ZC3HAV1: variants seen among roughly 807,000 people sequenced by gnomAD.
The protein encoded by ZC3HAV1 is zinc finger CCCH-type antiviral protein 1.
A neutral mutation model predicts 86.6 loss-of-function variants in ZC3HAV1; 41 were observed. The observed-to-expected ratio is 0.47, with a 90% CI of 0.37 to 0.61. The LOEUF is 0.61. Among genes scored for constraint, ZC3HAV1 ranks in the 20% least tolerant of loss-of-function variants. The pLI is 0.00. For synonymous variants in ZC3HAV1, 421 were observed against 432.1 expected (o/e 0.97, Z 0.32); for missense variants, 964 against 1,141.1 (o/e 0.84, Z 2.24).
Position 139,109,291 on chromosome 7 carries a change from A to G in ZC3HAV1, c.41T>C (p.Leu14Pro). Reference protein sequence around the residue: ...PEVCCFITKILCAHGGRMALD... With the variant: ...PEVCCFITKIPCAHGGRMALD... ...GGCCATGCGGCCCCCGTGGGCGCAC[A>G]GGATTTTGGTGATGAAGCAGCACAC... Residue 14 changes from leucine to proline, a missense_variant, in exon 1 of 13, where the codon CTG (leucine) becomes CCG (proline). By Grantham distance (98) the Leu-to-Pro change is moderately conservative. Coordinates refer to ENST00000242351, the MANE Select transcript of ZC3HAV1 (RefSeq NM_020119.4). The G allele has an allele frequency of 6.2e-7, 1 of 1,610,144 alleles. No homozygotes were observed. The highest frequency in any genetic ancestry group is 8.5e-7 in the Non-Finnish European group (1 of 1,178,842).
At chr7:139,101,766 G>C (rs1042834191) in intron 1 of ZC3HAV1, among the ~76,000 whole-genome samples, 1 of 151,582 alleles carries the variant, frequency 6.6e-6, no homozygotes, top group Admixed American at 6.6e-5. Context: ...AATGGATTAA[G>C]GGCGGTGCAA....
intron 1 of ZC3HAV1, among the ~76,000 whole-genome samples, chr7:139,093,302 T>G (rs1335924217): frequency 6.6e-6 from 1 of 152,134 alleles, no homozygotes; most frequent in African/African-American, 2.4e-5. Flanking sequence ...CCTGAATTAT[T>G]TAAGCCACTG....
rs1816003151 is a variant in ZC3HAV1 at position 139,047,775 on chromosome 7, G to A, written c.2528C>T (p.Ala843Val). 6.2e-7 allele frequency: 1 copy of A among 1,613,998 alleles called. No individual in the cohort carries two copies. Among genetic ancestry groups the A allele is most frequent in the South Asian group, 1.1e-5 (1 of 91,082 alleles). The part of the protein sequence containing the change: ...YDAKNVVMFV[A>V]QVLVGKFTEG... ...AGTAAACTTTCCAACCAGAACTTGG[G>A]CTACAAACATAACGACGTTTTTGGC... is the stretch of plus-strand genomic sequence containing the variant. Residue 843 changes from alanine to valine, a missense_variant, in exon 13 of 13, where the codon GCC (alanine) becomes GTC (valine). Coordinates refer to ENST00000242351, the MANE Select transcript of ZC3HAV1 (RefSeq NM_020119.4).
intron 1 of ZC3HAV1, among the ~76,000 whole-genome samples, chr7:139,099,881 C>G (rs1817699873): frequency 6.6e-6 from 1 of 151,650 alleles, no homozygotes; most frequent in African/African-American, 2.4e-5. Context: ...GAGCTGAGAT[C>G]ACACCACTGC....
intron 10 of ZC3HAV1, 112 bp from the exon 11 acceptor site, chr7:139,054,207 C>T (rs1357477028): frequency 1.3e-5 from 14 of 1,119,348 alleles, no homozygotes; most frequent in Non-Finnish European, 1.7e-5. Context: ...TTCTTTCTAA[C>T]AGCAGATAGG....
chr7:139,063,623 C>G (rs1195857509), intron 8 of ZC3HAV1, among the ~76,000 whole-genome samples: 1 of 148,926 alleles, frequency 6.7e-6, no homozygotes, highest in African/African-American at 2.5e-5. Flanking sequence ...AGTTGGGAGG[C>G]TGAGGTGACA....
intron 5 of ZC3HAV1, 28 bp from the exon 6 acceptor site, chr7:139,076,437 G>A: frequency 1.9e-6 from 3 of 1,612,874 alleles, no homozygotes; most frequent in Non-Finnish European, 2.5e-6. Context: ...GGGTCTGAGG[G>A]ACTGTTGAGC....
Position 139,047,784 on chromosome 7 carries a change from A to G in ZC3HAV1, c.2519T>C (p.Met840Thr), listed in dbSNP as rs1315877504. ...TCCAACCAGAACTTGGGCTACAAACATAACGACGTTTTTGGCATCATACGG... is the reference window on the plus strand; with the variant it reads ...TCCAACCAGAACTTGGGCTACAAACGTAACGACGTTTTTGGCATCATACGG... ...NCPYDAKNVV[M>T]FVAQVLVGKF... The change falls in exon 13 of 13, where the codon ATG becomes ACG. Residue 840 changes from methionine (M) to threonine (T), a missense_variant. Physicochemically the swap from Met to Thr is moderately conservative, Grantham distance 81 (BLOSUM62 -1). Transcript: ENST00000242351. 1.2e-6 allele frequency: 2 copies of G among 1,614,164 alleles called. No individual in the cohort carries two copies. Among genetic ancestry groups the G allele is most frequent in the African/African-American group, 1.3e-5 (1 of 75,046 alleles).
chr7:139,061,073 G>A lies in ZC3HAV1; in HGVS notation c.2059C>T (p.Pro687Ser). ...KDVIRRPTFV[P>S]QWYVQQMKRG... ...TTCATCTGCTGCACATACCACTGAGGCACAAATGTTGGTCTTCTGATGACA... is the reference window on the plus strand; with the variant it reads ...TTCATCTGCTGCACATACCACTGAGACACAAATGTTGGTCTTCTGATGACA... The change falls in exon 9 of 13, where the codon CCT becomes TCT. Residue 687 changes from proline to serine, a missense_variant. Transcript: ENST00000242351. The A allele has an allele frequency of 6.2e-7, 1 of 1,613,598 alleles. No homozygotes were observed. The highest frequency in any genetic ancestry group is 8.5e-7 in the Non-Finnish European group (1 of 1,179,972).
rs1816215196 is a variant in ZC3HAV1 at position 139,054,114 on chromosome 7, A to G, written c.2188-19T>C. The G allele has an allele frequency of 3.9e-6, 6 of 1,551,062 alleles. No homozygotes were observed. Among genetic ancestry groups the G allele is most frequent in the African/African-American group, 1.4e-5 (1 of 70,762 alleles). ...CTGACAACTAATAAAGTTTAAAAAT[A>G]GATAAATGTGAAATAGGAAACATTT... is the stretch of plus-strand genomic sequence containing the variant. On this transcript the variant is annotated intron_variant, in intron 10 of 12. Coordinates refer to ENST00000242351, the MANE Select transcript of ZC3HAV1 (RefSeq NM_020119.4).
chr7:139,073,364 T>C (rs1250334817), intron 7 of ZC3HAV1, among the ~76,000 whole-genome samples: 2 of 151,830 alleles, frequency 1.3e-5, no homozygotes, highest in African/African-American at 4.8e-5. Context: ...GCAATTGGAG[T>C]ACATGTTTGC....
At chr7:139,052,043 T>G (rs1384917676) in intron 12 of ZC3HAV1, among the ~76,000 whole-genome samples, 1 of 152,200 alleles carries the variant, frequency 6.6e-6, no homozygotes, top group African/African-American at 2.4e-5. Flanking sequence ...AAGTGTGAAG[T>G]GCAGTTTTTA....
intron 1 of ZC3HAV1, among the ~76,000 whole-genome samples, chr7:139,102,137 T>C (rs1179551220): frequency 1.3e-5 from 2 of 152,196 alleles, no homozygotes; most frequent in African/African-American, 4.8e-5. Context: ...ATATCAATTT[T>C]ACTTTGTTTT....
chr7:139,062,608 T>C (rs1161152068), intron 8 of ZC3HAV1, among the ~76,000 whole-genome samples: 1 of 152,238 alleles, frequency 6.6e-6, no homozygotes, highest in Non-Finnish European at 1.5e-5. Flanking sequence ...CTCACCACCC[T>C]TTTGAATACA....
chr7:139,092,222 G>A (rs1378087858), intron 1 of ZC3HAV1, among the ~76,000 whole-genome samples: 1 of 152,206 alleles, frequency 6.6e-6, no homozygotes, highest in African/African-American at 2.4e-5. Context: ...TATCTTATCA[G>A]TTAATTGCAT....
At chr7:139,097,756 G>A (rs1817650678) in intron 1 of ZC3HAV1, among the ~76,000 whole-genome samples, 1 of 151,616 alleles carries the variant, frequency 6.6e-6, no homozygotes, top group Non-Finnish European at 1.5e-5. Context: ...ATTTCTTAAT[G>A]TAAAAAAATC....
chr7:139,059,154 C>T (rs558413856), intron 9 of ZC3HAV1, among the ~76,000 whole-genome samples: 4 of 152,104 alleles, frequency 2.6e-5, no homozygotes, highest in Non-Finnish European at 1.5e-5. Context: ...GTGAACAGCC[C>T]CTCCCCATCC....
intron 1 of ZC3HAV1, among the ~76,000 whole-genome samples, chr7:139,093,583 T>C (rs1817492672): frequency 6.6e-6 from 1 of 152,234 alleles, no homozygotes; most frequent in Non-Finnish European, 1.5e-5. Flanking sequence ...TGGCTCATCC[T>C]GGCTCAAAAG....
chr7:139,057,205 T>TA lies in ZC3HAV1; in HGVS notation c.2097-1911dup, dbSNP rs1291565607. ...TCCCCATCTCTAGAAACATTTTTTTTAAATTATCCAGGTGTGGTGGTGCAC... is the reference window on the plus strand; with the variant it reads ...TCCCCATCTCTAGAAACATTTTTTTTAAAATTATCCAGGTGTGGTGGTGCAC... On this transcript the variant is annotated intron_variant, in intron 9 of 12. Coordinates refer to ENST00000242351, the MANE Select transcript of ZC3HAV1 (RefSeq NM_020119.4). Among the ~76,000 whole-genome samples, 4 of 151,602 alleles carry TA rather than the reference T, an allele frequency of 2.6e-5. No homozygotes were observed. The East Asian group carries it at 7.8e-4, about 30-fold the overall frequency.
Sources: gnomAD v4.1 joint callset for allele counts (sites outside exome capture counted in the v4.1 genomes callset) on GRCh38, gnomAD v4.1.1 for gene constraint, MANE v1.5 for transcripts, NCBI Gene and HGNC (gene_info 2026-07-23, HGNC 2026-07-21) for gene names.